Variants in AFF2 observed in about 807,000 individuals in gnomAD.
AFF2 encodes the protein AF4/FMR2 family member 2.
AFF2 carries 14 observed loss-of-function variants against 76.9 expected under a neutral mutation model. That is an observed-to-expected ratio of 0.18 (90% CI 0.12 to 0.28). The LOEUF is 0.28. Among genes scored for constraint, AFF2 ranks in the 10% least tolerant of loss-of-function variants. AFF2 has a pLI of 1.00. For missense variants in AFF2, 868 were observed against 1,001.1 expected (o/e 0.87, Z 1.79); for synonymous variants, 398 against 366.7 (o/e 1.09, Z -0.98).
intron 8 of AFF2, among the ~76,000 whole-genome samples, chrX:148,895,203 G>A (rs73640606): frequency 0.039 from 4,377 of 111,304 alleles, 202 homozygotes; most frequent in African/African-American, 0.14. Context: ...GGGCCAGCAA[G>A]CCCACAGGGC....
Position 148,837,715 on chromosome X carries a change from C to A in AFF2, c.1155C>A (p.Thr385=), listed in dbSNP as rs1569556062. 13 of 1,192,983 alleles carry A rather than the reference C, an allele frequency of 1.1e-5. No individual in the cohort carries two copies. Among genetic ancestry groups the A allele is most frequent in the Non-Finnish European group, 1.4e-5 (12 of 879,057 alleles). Residue 385 remains threonine (T), a synonymous_variant, in exon 5 of 21, where the codon ACC becomes ACA. Transcript: ENST00000370460. The part of the protein sequence containing the change: ...MHTAGHSEQS[T]FSIPGQESQH... ...CTGCTGGACACTCTGAGCAGAGCAC[C>A]TTTTCCATCCCAGGACAGGTCAGTT...
chrX:148,895,599 AAG>A (rs782612528), intron 8 of AFF2, among the ~76,000 whole-genome samples: 1 of 89,107 alleles, frequency 1.1e-5, no homozygotes, highest in African/African-American at 4.2e-5. Context: ...GTGTGTGTGT[AAG>A]AGAGGGAGGG....
At chrX:148,611,634 G>C (rs782102395) in intron 1 of AFF2, among the ~76,000 whole-genome samples, 2 of 111,196 alleles carry the variant, frequency 1.8e-5, no homozygotes, top group South Asian at 7.6e-4. Flanking sequence ...CAATCACTGT[G>C]CCCTGAGTGG....
intron 3 of AFF2, among the ~76,000 whole-genome samples, chrX:148,774,682 T>G (rs1557268400): frequency 8.9e-6 from 1 of 111,956 alleles, no homozygotes; most frequent in Non-Finnish European, 1.9e-5. Context: ...TCTCTCCGTC[T>G]TACTTATATT....
At chrX:148,542,029 G>C (rs2052863031) in intron 1 of AFF2, among the ~76,000 whole-genome samples, 1 of 108,769 alleles carries the variant, frequency 9.2e-6, no homozygotes, top group Non-Finnish European at 1.9e-5. Flanking sequence ...GTCTCTGCTG[G>C]AAAAAAGAAA....
chrX:148,970,279 T>C (rs1303188791), intron 15 of AFF2, among the ~76,000 whole-genome samples: 1 of 112,252 alleles, frequency 8.9e-6, no homozygotes, highest in Non-Finnish European at 1.9e-5. Context: ...ACATTTATTG[T>C]AAAAAGTCAT....
Position 148,997,254 on chromosome X carries a change from A to G in AFF2, c.*5922A>G, listed in dbSNP as rs1166805223. ...TAAGCTCAGTAACAAGAAGGCATAA[A>G]CTAAAGTATATAATGAGGCTTTCAT... On this transcript the variant is annotated 3_prime_UTR_variant, in exon 21 of 21. Coordinates refer to ENST00000370460, the MANE Select transcript of AFF2 (RefSeq NM_002025.4). 5.4e-5 allele frequency: 6 copies of G among 110,553 alleles called. No individual in the cohort carries two copies. The highest frequency in any genetic ancestry group is 1.1e-4 in the Non-Finnish European group (6 of 53,096). The allele number at this position is 110,553 out of a possible 1,213,427, so 9.1% of individuals were successfully genotyped here.
chrX:148,535,897 G>A (rs1427823498), intron 1 of AFF2, among the ~76,000 whole-genome samples: 2 of 111,798 alleles, frequency 1.8e-5, no homozygotes, highest in African/African-American at 6.5e-5. Flanking sequence ...TAATTGCTAG[G>A]CTTCTGCTTC....
rs1325540474 is a variant in AFF2, at chrX:148,771,297, A to C, written c.1042-38579A>C. Among the ~76,000 whole-genome samples the C allele has an allele frequency of 5.3e-5, 6 of 112,202 alleles. No homozygotes were observed. The East Asian group carries it at 1.7e-3, about 31-fold the overall frequency. On this transcript the variant is annotated intron_variant, in intron 3 of 20. Transcript: ENST00000370460. Reference sequence around the variant, plus strand: ...GTGGGTGGTCTTATGGACCCTGCCAAACATAATTAAAGTGTATCTAGGAGT... The same window carrying C: ...GTGGGTGGTCTTATGGACCCTGCCACACATAATTAAAGTGTATCTAGGAGT...
At chrX:148,572,199 C>A (rs1557242646) in intron 1 of AFF2, among the ~76,000 whole-genome samples, 1 of 111,334 alleles carries the variant, frequency 9.0e-6, no homozygotes, top group Non-Finnish European at 1.9e-5. Flanking sequence ...TTAATAAAAA[C>A]CATGAGACAC....
At chrX:148,636,346 T>C (rs2054030830) in intron 1 of AFF2, among the ~76,000 whole-genome samples, 1 of 112,272 alleles carries the variant, frequency 8.9e-6, no homozygotes, top group South Asian at 3.7e-4. Context: ...CTTGAAAAGC[T>C]TCAGCATTCA....
At chrX:148,554,868 G>A (rs929185252) in intron 1 of AFF2, among the ~76,000 whole-genome samples, 4 of 112,416 alleles carry the variant, frequency 3.6e-5, no homozygotes, top group African/African-American at 1.3e-4. Context: ...AGAATGGATG[G>A]ATGCCCAAGA....
chrX:148,649,823 C>T lies in AFF2; in HGVS notation c.48-2176C>T, dbSNP rs889750469. ...TCCCTCGGAGAAGGAAGGTAGTTTGCAAAGCCAAGAGACCAAAGCACTTCA... is the reference window on the plus strand; with the variant it reads ...TCCCTCGGAGAAGGAAGGTAGTTTGTAAAGCCAAGAGACCAAAGCACTTCA... On this transcript the variant is annotated intron_variant, in intron 1 of 20. Transcript: ENST00000370460. Among the ~76,000 whole-genome samples the T allele has an allele frequency of 6.3e-5, 7 of 111,565 alleles. No homozygotes were observed. The Admixed American group carries it at 6.7e-4, about 11-fold the overall frequency.
chrX:148,933,719 T>C (rs1557284666), intron 9 of AFF2, among the ~76,000 whole-genome samples: 2 of 112,190 alleles, frequency 1.8e-5, no homozygotes, highest in Non-Finnish European at 3.8e-5. Context: ...TGCTATTAGC[T>C]GAGTCATTTA....
Position 148,858,123 on chromosome X carries a change from G to T in AFF2, c.1262+14690G>T, listed in dbSNP as rs552485361. 8.1e-5 allele frequency among the ~76,000 whole-genome samples: 9 copies of T among 111,279 alleles called. No homozygotes were observed. In the South Asian group the frequency reaches 2.6e-3, roughly 33 times the overall value. ...ACATGAGGAAAGATTTCAAAGCAAC[G>T]TTTCTTATAAATAGAATTTCAATAG... On this transcript the variant is annotated intron_variant, in intron 7 of 20. Coordinates refer to ENST00000370460, the MANE Select transcript of AFF2 (RefSeq NM_002025.4).
At position 148,860,495 on chromosome X, in the gene AFF2, C is replaced by A. The variant is rs782155397; in HGVS notation, c.1262+17062C>A. Among the ~76,000 whole-genome samples the A allele has an allele frequency of 8.4e-4, 94 of 111,815 alleles. 1 individual carries two copies. The highest frequency in any genetic ancestry group is 2.9e-3 in the African/African-American group (91 of 30,889). On this transcript the variant is annotated intron_variant, in intron 7 of 20. Coordinates refer to ENST00000370460, the MANE Select transcript of AFF2 (RefSeq NM_002025.4). Reference sequence around the variant, plus strand: ...ATGTGAAAATGTTACGTGGAATCATCATTTTGAATAGAGCAAAATGACGCT... The same window carrying A: ...ATGTGAAAATGTTACGTGGAATCATAATTTTGAATAGAGCAAAATGACGCT...
Position 148,967,167 on chromosome X carries a change from A to C in AFF2, c.3203+88A>C, listed in dbSNP as rs1349324946. ...GCTTTTCTAGTGCTGTGCATGTGTC[A>C]CCCCAAATAAGACCTCAGCATCAAA... On this transcript the variant is annotated intron_variant, in intron 14 of 20. Coordinates refer to ENST00000370460, the MANE Select transcript of AFF2 (RefSeq NM_002025.4). 4.4e-6 allele frequency: 5 copies of C among 1,145,472 alleles called. No individual in the cohort carries two copies. In the African/African-American group the frequency reaches 9.0e-5, roughly 21 times the overall value. The allele number at this position is 1,145,472 out of a possible 1,213,427, so 94.4% of individuals were successfully genotyped here.
intron 1 of AFF2, among the ~76,000 whole-genome samples, chrX:148,539,934 C>T (rs1456902347): frequency 1.8e-5 from 2 of 111,453 alleles, no homozygotes; most frequent in African/African-American, 6.5e-5. Context: ...TGCTACCTGT[C>T]ACTTTGAAAG....
rs782610910 is a variant in AFF2, at chrX:148,714,760, T to C, written c.1041+51992T>C. ...GAGCTTCCTCTGTCTCATTCACTTC[T>C]GTATCCCTAGCCAGATTGACACATC... On this transcript the variant is annotated intron_variant, in intron 3 of 20. Transcript: ENST00000370460. 1.6e-4 allele frequency among the ~76,000 whole-genome samples: 18 copies of C among 112,119 alleles called. No homozygotes were observed. The East Asian group carries it at 4.5e-3, about 28-fold the overall frequency.
Sources: gnomAD v4.1 joint callset for allele counts (sites outside exome capture counted in the v4.1 genomes callset) on GRCh38, gnomAD v4.1.1 for gene constraint, MANE v1.5 for transcripts, NCBI Gene and HGNC (gene_info 2026-07-23, HGNC 2026-07-21) for gene names.